The following GABRR2 variants were observed in gnomAD, a reference collection of about 807,000 sequenced individuals.
GABRR2 encodes the protein gamma-aminobutyric acid receptor subunit rho-2.
In GABRR2, 36 loss-of-function variants were observed where a neutral mutation model predicts 47.0. That is an observed-to-expected ratio of 0.77 (90% CI 0.59 to 1.01). The LOEUF (loss-of-function observed/expected upper bound fraction) is 1.01. Ranked by LOEUF, GABRR2 falls within the 50% of genes least tolerant of loss-of-function variation. The probability of loss-of-function intolerance (pLI) is 0.00; values close to 1 mark genes in which losing one functional copy is unlikely to be tolerated. For synonymous variants in GABRR2, 204 were observed against 227.5 expected, an observed-to-expected ratio of 0.90 and a Z score of 0.93; for missense variants, 587 against 594.6, an observed-to-expected ratio of 0.99 and a Z score of 0.13.
At chr6:89,268,413 A>G (rs1351773599) in intron 4 of GABRR2, among the ~76,000 whole-genome samples, 1 of 152,188 alleles carries the variant, frequency 6.6e-6, no homozygotes, top group African/African-American at 2.4e-5. Flanking sequence ...CACCTCCTCC[A>G]GAGATGCCTG....
intron 2 of GABRR2, among the ~76,000 whole-genome samples, chr6:89,282,938 GT>G (rs1774274501): frequency 6.6e-6 from 1 of 152,204 alleles, no homozygotes; most frequent in South Asian, 2.1e-4. Flanking sequence ...GGTGACTACG[GT>G]GCCGACTCCA....
In GABRR2 at chr6:89,315,281, T is replaced by C. The variant is rs1431027719; in HGVS notation, c.-116A>G. ...CTCCTGACGGGCTGCTCTGAGGGGCTGTGAGGGCAAGGCTGGCCAGGCTAG... is the reference window on the plus strand; with the variant it reads ...CTCCTGACGGGCTGCTCTGAGGGGCCGTGAGGGCAAGGCTGGCCAGGCTAG... On this transcript the variant is annotated 5_prime_UTR_variant, in exon 1 of 9. Transcript: ENST00000402938. 6.3e-7 allele frequency: 1 copy of C among 1,574,862 alleles called. No individual in the cohort carries two copies. The highest frequency in any genetic ancestry group is 1.8e-5 in the Admixed American group (1 of 56,462).
chr6:89,267,827 A>T lies in GABRR2; in HGVS notation c.596-8T>A. 6.2e-7 allele frequency: 1 copy of T among 1,608,212 alleles called. No homozygotes were observed. The highest frequency in any genetic ancestry group is 2.2e-5 in the East Asian group (1 of 44,800). ...CTTCATCTGTATAGGCATCTTTGGG[A>T]AGAGGAAAACAAGTTAATTTGACTC... is the stretch of plus-strand genomic sequence containing the variant. On this transcript the variant is annotated splice_polypyrimidine_tract_variant and splice_region_variant and intron_variant, in intron 5 of 8. Transcript: ENST00000402938.
chr6:89,275,260 A>G (rs891756866), intron 2 of GABRR2, among the ~76,000 whole-genome samples: 1 of 152,210 alleles, frequency 6.6e-6, no homozygotes, highest in Non-Finnish European at 1.5e-5. Flanking sequence ...AATTGGACAA[A>G]AATAGAAAAA....
At chr6:89,269,863 T>G (rs1308668136) in intron 3 of GABRR2, among the ~76,000 whole-genome samples, 1 of 152,208 alleles carries the variant, frequency 6.6e-6, no homozygotes, top group Non-Finnish European at 1.5e-5. Flanking sequence ...AAATCTTACC[T>G]TGTTCAAAAG....
Position 89,292,797 on chromosome 6 carries a change from TATATATCGTATATACG to T in GABRR2, c.220+6946_220+6961del, listed in dbSNP as rs1241068584. 2.8e-4 allele frequency among the ~76,000 whole-genome samples: 6 copies of T among 21,316 alleles called. 1 individual carries two copies. The highest frequency in any genetic ancestry group is 3.9e-4 in the African/African-American group (1 of 2,590). The allele number at this position is 21,316 out of a possible 152,430, so 14.0% of individuals were successfully genotyped here. ...TATATATCGTATATACGATATATCGTATATATCGTATATACGATATATCGTATATATCGTATATACG... is the reference window on the plus strand; with the variant it reads ...TATATATCGTATATACGATATATCGTATATATCGTATATATCGTATATACG... On this transcript the variant is annotated intron_variant, in intron 2 of 8. Transcript: ENST00000402938.
intron 1 of GABRR2, among the ~76,000 whole-genome samples, chr6:89,309,301 C>G (rs761466816): frequency 6.6e-6 from 1 of 152,100 alleles, no homozygotes. Flanking sequence ...GTAACTGAGG[C>G]TCAGCAGAAG....
chr6:89,307,550 G>A (rs534810024), intron 1 of GABRR2, among the ~76,000 whole-genome samples: 4 of 152,186 alleles, frequency 2.6e-5, no homozygotes, highest in Non-Finnish European at 5.9e-5. Flanking sequence ...CAACATTTGA[G>A]AACCGCTAGG....
rs1773571935 is a variant in GABRR2, at chr6:89,254,937, A to G, written c.*2733T>C. ...GCTATAGAATTAACTCCAGTTTAAC[A>G]TAGAAGCTAGCAAAAATAAATATTT... On this transcript the variant is annotated 3_prime_UTR_variant, in exon 9 of 9. Transcript: ENST00000402938. Among the ~76,000 whole-genome samples, 2 of 152,254 alleles carry G rather than the reference A, an allele frequency of 1.3e-5. No homozygotes were observed.
intron 2 of GABRR2, among the ~76,000 whole-genome samples, chr6:89,295,256 A>G (rs1326677283): frequency 6.6e-6 from 1 of 152,232 alleles, no homozygotes; most frequent in Non-Finnish European, 1.5e-5. Flanking sequence ...CAGTCCCACC[A>G]ACAGTGTAAA....
chr6:89,264,316 T>C, intron 8 of GABRR2, 96 bp downstream of exon 8: 6 of 1,374,938 alleles, frequency 4.4e-6, no homozygotes, highest in Non-Finnish European at 5.9e-6. Context: ...ATCTCCTTTT[T>C]CTACATGCAA....
intron 1 of GABRR2, among the ~76,000 whole-genome samples, chr6:89,306,116 T>G (rs1225457665): frequency 6.6e-6 from 1 of 151,420 alleles, no homozygotes; most frequent in Non-Finnish European, 1.5e-5. Flanking sequence ...GTGGCTCACA[T>G]CTGTATTCCT....
intron 1 of GABRR2, among the ~76,000 whole-genome samples, chr6:89,309,035 T>C (rs1767629739): frequency 6.6e-6 from 1 of 152,072 alleles, no homozygotes; most frequent in African/African-American, 2.4e-5. Context: ...AGGTGACTGG[T>C]GATTCTTCTG....
At chr6:89,314,666 A>T (rs1352955852) in intron 1 of GABRR2, among the ~76,000 whole-genome samples, 2 of 152,188 alleles carry the variant, frequency 1.3e-5, no homozygotes, top group African/African-American at 4.8e-5. Flanking sequence ...GTTCCTATAT[A>T]CAGTTCTCCC....
Position 89,265,758 on chromosome 6 carries a change from G to T in GABRR2, c.744C>A (p.Tyr248Ter), listed in dbSNP as rs777749513. The change falls in exon 7 of 9, where the codon TAC becomes TAA. Residue 248 changes from tyrosine to a stop codon, truncating the protein, a stop_gained. Coordinates refer to ENST00000402938, the MANE Select transcript of GABRR2 (RefSeq NM_002043.5). LOFTEE classifies it high-confidence loss of function. ...RLAFYSSTGW[Y>*]NRLYINFTLR... ...ACGTGAAGTTAATGTACAGACGGTT[G>T]TACCAGCCTAGGGGATGCAGGAAGA... The T allele has an allele frequency of 6.2e-7, 1 of 1,614,034 alleles. No homozygotes were observed. Among genetic ancestry groups the T allele is most frequent in the South Asian group, 1.1e-5 (1 of 91,060 alleles).
chr6:89,257,513 G>T lies in GABRR2; in HGVS notation c.*157C>A. The T allele has an allele frequency of 1.6e-6, 1 of 642,046 alleles. No homozygotes were observed. The highest frequency in any genetic ancestry group is 2.7e-6 in the Non-Finnish European group (1 of 375,992). The allele number at this position is 642,046 out of a possible 1,614,324, so 39.8% of individuals were successfully genotyped here. ...GGGTCTGGGGTCAGGGCAGCTGGAA[G>T]GCTCCTGGGCTTCTCTGAGAGATGA... On this transcript the variant is annotated 3_prime_UTR_variant, in exon 9 of 9. Coordinates refer to ENST00000402938, the MANE Select transcript of GABRR2 (RefSeq NM_002043.5).
At chr6:89,294,483 C>A (rs774425736) in intron 2 of GABRR2, among the ~76,000 whole-genome samples, 1 of 152,128 alleles carries the variant, frequency 6.6e-6, no homozygotes, top group Non-Finnish European at 1.5e-5. Flanking sequence ...CACAGGAAGT[C>A]CCTCTTGGAG....
In GABRR2 at chr6:89,254,798, T is replaced by C. The variant is rs921729666; in HGVS notation, c.*2872A>G. On this transcript the variant is annotated 3_prime_UTR_variant, in exon 9 of 9. Coordinates refer to ENST00000402938, the MANE Select transcript of GABRR2 (RefSeq NM_002043.5). The stretch of plus-strand genomic sequence containing the variant: ...CACTTTACCTCTTTAAATTTCCTAC[T>C]TTTCTCAAGTAGTGTCAGACTAGTA... Among the ~76,000 whole-genome samples, 7 of 152,188 alleles carry C rather than the reference T, an allele frequency of 4.6e-5. No homozygotes were observed. Among genetic ancestry groups the C allele is most frequent in the African/African-American group, 1.7e-4 (7 of 41,446 alleles).
intron 2 of GABRR2, among the ~76,000 whole-genome samples, chr6:89,292,763 G>GTATCTCTGATATATATCAGAT (rs1774479251): frequency 1.1e-4 from 4 of 37,314 alleles, no homozygotes; most frequent in East Asian, 8.1e-4. Context: ...TCGTATATAC[G>GTATCTCTGATATATATCAGAT]ATATATCGTA....
Sources: allele counts gnomAD v4.1 joint callset (sites outside exome capture counted in the v4.1 genomes callset), GRCh38; gene constraint gnomAD v4.1.1; transcripts MANE v1.5; gene names NCBI Gene and HGNC (gene_info 2026-07-23, HGNC 2026-07-21).